Variants in EPC2 observed in about 807,000 individuals in gnomAD.
The protein encoded by EPC2 is enhancer of polycomb homolog 2.
A neutral mutation model predicts 92.1 loss-of-function variants in EPC2; 14 were observed. The observed-to-expected ratio is 0.15, with a 90% CI of 0.10 to 0.24. The LOEUF (loss-of-function observed/expected upper bound fraction) is 0.24. EPC2 is among the 10% of genes least tolerant of loss of function. The pLI, the probability that EPC2 is intolerant of heterozygous loss-of-function variation, is 1.00. For missense variants in EPC2, 755 were observed against 971.5 expected (o/e 0.78, Z 2.96); for synonymous variants, 340 against 334.7 (o/e 1.02, Z -0.17).
At chr2:148,735,835 G>A (rs1385456584) in intron 2 of EPC2, among the ~76,000 whole-genome samples, 1 of 151,752 alleles carries the variant, frequency 6.6e-6, no homozygotes, top group Non-Finnish European at 1.5e-5. Flanking sequence ...TGTCTTATAA[G>A]TGATCTCATT....
intron 5 of EPC2, 25 bp from the exon 6 acceptor site, chr2:148,762,645 C>A (rs10193313): frequency 0.74 from 1,111,400 of 1,510,612 alleles, 417,562 homozygotes; most frequent in Non-Finnish European, 0.78. Flanking sequence ...GCAATGTTTT[C>A]TTATATTTTT....
intron 7 of EPC2, among the ~76,000 whole-genome samples, chr2:148,766,347 T>C (rs1683407481): frequency 1.3e-5 from 2 of 152,356 alleles, no homozygotes; most frequent in South Asian, 4.1e-4. Flanking sequence ...GATTATATTA[T>C]TTTTACTCTT....
At chr2:148,731,571 T>C (rs890199631) in intron 2 of EPC2, among the ~76,000 whole-genome samples, 2 of 152,098 alleles carry the variant, frequency 1.3e-5, no homozygotes, top group African/African-American at 4.8e-5. Context: ...CCCAGCTAAT[T>C]TTTGTATTTT....
At chr2:148,737,936 C>T (rs1020486549) in intron 2 of EPC2, among the ~76,000 whole-genome samples, 1 of 152,162 alleles carries the variant, frequency 6.6e-6, no homozygotes, top group African/African-American at 2.4e-5. Context: ...GAGAAGCCTG[C>T]TCTGAGTCTT....
intron 2 of EPC2, among the ~76,000 whole-genome samples, chr2:148,732,648 T>C (rs1405413580): frequency 1.3e-5 from 2 of 152,164 alleles, no homozygotes; most frequent in Non-Finnish European, 2.9e-5. Context: ...TCCAAAGTGC[T>C]GGGATTACAG....
chr2:148,741,294 A>C (rs1450742624), intron 2 of EPC2, among the ~76,000 whole-genome samples: 3 of 152,130 alleles, frequency 2.0e-5, no homozygotes, highest in Non-Finnish European at 4.4e-5. Context: ...TGTTTAAAGC[A>C]CTTTGAGTAC....
At chr2:148,723,494 G>A (rs1357213257) in intron 2 of EPC2, among the ~76,000 whole-genome samples, 1 of 152,118 alleles carries the variant, frequency 6.6e-6, no homozygotes, top group South Asian at 2.1e-4. Context: ...CTGCTAGTGG[G>A]TTTCTGTTCC....
At chr2:148,676,881 G>A (rs927378395) in intron 1 of EPC2, among the ~76,000 whole-genome samples, 5 of 150,530 alleles carry the variant, frequency 3.3e-5, no homozygotes, top group East Asian at 1.9e-4. Flanking sequence ...TTGGGGGGGG[G>A]GTTGAATTCC....
At chr2:148,758,121 G>A (rs1683229037) in intron 4 of EPC2, among the ~76,000 whole-genome samples, 2 of 113,388 alleles carry the variant, frequency 1.8e-5, no homozygotes, top group South Asian at 6.1e-4. Flanking sequence ...GAAAGTAATG[G>A]ATTCTACCCC....
intron 1 of EPC2, among the ~76,000 whole-genome samples, chr2:148,686,032 A>G (rs948087915): frequency 6.6e-5 from 10 of 152,226 alleles, no homozygotes; most frequent in Admixed American, 2.6e-4. Flanking sequence ...ATAATAAGAC[A>G]ATAGTGAAGT....
At chr2:148,686,558 C>T (rs1252337175) in intron 1 of EPC2, among the ~76,000 whole-genome samples, 2 of 152,196 alleles carry the variant, frequency 1.3e-5, no homozygotes, top group Non-Finnish European at 2.9e-5. Context: ...GTTTACTTTG[C>T]TCAGATCCAT....
intron 2 of EPC2, among the ~76,000 whole-genome samples, chr2:148,698,439 C>T (rs540942976): frequency 6.6e-6 from 1 of 151,850 alleles, no homozygotes; most frequent in African/African-American, 2.4e-5. Flanking sequence ...AGTTCAAGAC[C>T]AGCCTGGCCA....
intron 3 of EPC2, among the ~76,000 whole-genome samples, chr2:148,748,225 T>G (rs1240188825): frequency 1.3e-5 from 2 of 152,098 alleles, no homozygotes; most frequent in Non-Finnish European, 2.9e-5. Flanking sequence ...ATGTGCCTGC[T>G]TCCCTTTCGC....
At chr2:148,697,498 C>G (rs190736183) in intron 2 of EPC2, among the ~76,000 whole-genome samples, 12 of 152,100 alleles carry the variant, frequency 7.9e-5, no homozygotes, top group African/African-American at 2.9e-4. Context: ...GAAAAGGGAA[C>G]CATGAGAGTA....
chr2:148,742,246 C>T (rs1682892428), intron 2 of EPC2, among the ~76,000 whole-genome samples: 1 of 152,080 alleles, frequency 6.6e-6, no homozygotes, highest in South Asian at 2.1e-4. Context: ...AATAGAGTTG[C>T]CAAGTTCAAG....
intron 1 of EPC2, among the ~76,000 whole-genome samples, chr2:148,688,322 A>T (rs1681570613): frequency 6.6e-6 from 1 of 152,190 alleles, no homozygotes; most frequent in Non-Finnish European, 1.5e-5. Context: ...AAAAAATCAA[A>T]CACCACATGT....
chr2:148,777,309 A>G (rs931041293), intron 10 of EPC2, among the ~76,000 whole-genome samples: 1 of 152,182 alleles, frequency 6.6e-6, no homozygotes, highest in Non-Finnish European at 1.5e-5. Context: ...TCATTAAGCT[A>G]TGAAAATTTG....
At chr2:148,784,490 G>A (rs115060888) in intron 12 of EPC2, among the ~76,000 whole-genome samples, 178 bp from the exon 13 acceptor site, 3,883 of 152,298 alleles carry the variant, frequency 0.025, 57 homozygotes, top group East Asian at 0.032. Context: ...TTTGGGGGTT[G>A]TAGCAGATTA....
intron 1 of EPC2, among the ~76,000 whole-genome samples, chr2:148,649,236 A>G (rs966372134): frequency 1.3e-5 from 2 of 152,208 alleles, no homozygotes; most frequent in East Asian, 1.9e-4. Context: ...AAAAGTACCT[A>G]TATACAGTGT....
Sources: gnomAD v4.1 joint callset for allele counts (sites outside exome capture counted in the v4.1 genomes callset) on GRCh38, gnomAD v4.1.1 for gene constraint, MANE v1.5 for transcripts, NCBI Gene and HGNC (gene_info 2026-07-23, HGNC 2026-07-21) for gene names.